SEPTIN9: variants seen among roughly 807,000 people sequenced by gnomAD.
SEPTIN9 encodes septin 9.
In SEPTIN9, 13 loss-of-function variants were observed where a neutral mutation model predicts 56.6. That is an observed-to-expected ratio of 0.23 (90% CI 0.15 to 0.37). The LOEUF is 0.37. Ranked by LOEUF, SEPTIN9 falls within the 10% of genes least tolerant of loss-of-function variation. SEPTIN9 has a pLI of 1.00. For synonymous variants in SEPTIN9, 332 were observed against 334.1 expected (o/e 0.99, Z 0.07); for missense variants, 650 against 823.1 (o/e 0.79, Z 2.57).
intron 3 of SEPTIN9, among the ~76,000 whole-genome samples, chr17:77,408,277 C>A (rs1235229439): frequency 6.6e-6 from 1 of 152,232 alleles, no homozygotes; most frequent in Non-Finnish European, 1.5e-5. Context: ...TATCCACCCA[C>A]CCCAAGAACC....
intron 3 of SEPTIN9, among the ~76,000 whole-genome samples, chr17:77,470,288 A>G (rs552541623): frequency 2.0e-5 from 3 of 151,238 alleles, no homozygotes; most frequent in South Asian, 4.2e-4. Flanking sequence ...TTATCCACCC[A>G]TCTACTCACC....
intron 3 of SEPTIN9, among the ~76,000 whole-genome samples, chr17:77,430,243 C>T (rs1281651056): frequency 6.6e-6 from 1 of 152,164 alleles, no homozygotes; most frequent in Non-Finnish European, 1.5e-5. Context: ...GAGCCGTGAC[C>T]TGTCAGTAGG....
At chr17:77,484,526 G>GTGA (rs1254835674) in intron 4 of SEPTIN9, among the ~76,000 whole-genome samples, 1 of 144,666 alleles carries the variant, frequency 6.9e-6, no homozygotes, top group Non-Finnish European at 1.5e-5. Context: ...GGTGGTAATT[G>GTGA]TGATGGTGGT....
intron 1 of SEPTIN9, 85 bp downstream of exon 1, chr17:77,281,639 G>A: frequency 2.2e-6 from 3 of 1,345,304 alleles, no homozygotes; most frequent in Non-Finnish European, 3.0e-6. Context: ...GGAGTGGCGA[G>A]GCGCCCCCGG....
intron 1 of SEPTIN9, among the ~76,000 whole-genome samples, chr17:77,292,716 A>T (rs1325617482): frequency 6.6e-6 from 1 of 151,298 alleles, no homozygotes; most frequent in Admixed American, 6.6e-5. Context: ...CTGGTCTCGA[A>T]CTCTTGACCT....
intron 3 of SEPTIN9, among the ~76,000 whole-genome samples, chr17:77,423,531 T>C (rs939777823): frequency 5.3e-5 from 8 of 152,182 alleles, no homozygotes; most frequent in Non-Finnish European, 8.8e-5. Context: ...GGCCCCTGAA[T>C]GTGGGGGCCC....
In SEPTIN9 at chr17:77,479,304, G is replaced by A. The variant is rs145611212; in HGVS notation, c.722-2840G>A. The stretch of plus-strand genomic sequence containing the variant: ...TGTCTGAGCACCATGGTGTCCTGGG[G>A]CCAGGATGAAAGTGTCTCTGGGTAT... On this transcript the variant is annotated intron_variant, in intron 3 of 11. Transcript: ENST00000427177. Among the ~76,000 whole-genome samples, 689 of 152,352 alleles carry A rather than the reference G, an allele frequency of 4.5e-3. 2 individuals carry two copies. The highest frequency in any genetic ancestry group is 0.015 in the African/African-American group (627 of 41,584).
chr17:77,317,793 C>T lies in SEPTIN9; in HGVS notation c.76+10596C>T, dbSNP rs147513785. ...AAAGGCCAGGCACAGTGGCTTATGC[C>T]TGTAATCCCAGCACTTTGGGAGGCC... On this transcript the variant is annotated intron_variant, in intron 2 of 11. Transcript: ENST00000427177. The surrounding 1 kb of genome is among the most constrained non-coding windows in gnomAD (Gnocchi z 4.2). Among the ~76,000 whole-genome samples, 1 of 152,326 alleles carries T rather than the reference C, an allele frequency of 6.6e-6. No individual in the cohort carries two copies. The highest frequency in any genetic ancestry group is 2.4e-5 in the African/African-American group (1 of 41,570).
chr17:77,441,447 ACTT>A (rs2037543827), intron 3 of SEPTIN9, among the ~76,000 whole-genome samples: 1 of 152,136 alleles, frequency 6.6e-6, no homozygotes, highest in Non-Finnish European at 1.5e-5. Flanking sequence ...ATGCTTAGAC[ACTT>A]CGTGTGGTTT....
At chr17:77,412,289 C>A (rs768982835) in intron 3 of SEPTIN9, among the ~76,000 whole-genome samples, 4 of 152,132 alleles carry the variant, frequency 2.6e-5, no homozygotes, top group Non-Finnish European at 4.4e-5. Context: ...GCCCCTTACC[C>A]CTGGCTGAGG....
At chr17:77,306,244 C>T (rs908039577) in intron 1 of SEPTIN9, among the ~76,000 whole-genome samples, 5 of 152,154 alleles carry the variant, frequency 3.3e-5, no homozygotes, top group African/African-American at 1.2e-4. Flanking sequence ...TCTGGGTCTG[C>T]CTGATCCCTT....
intron 2 of SEPTIN9, chr17:77,373,674 CT>C: frequency 7.0e-7 from 1 of 1,419,230 alleles, no homozygotes. Flanking sequence ...GACGGGACCC[CT>C]AATCCAGGCG....
chr17:77,466,176 C>T (rs533108230), intron 3 of SEPTIN9, among the ~76,000 whole-genome samples: 13 of 152,196 alleles, frequency 8.5e-5, no homozygotes, highest in African/African-American at 2.4e-4. Context: ...GCCTGTAAAG[C>T]GAAGGCCCTG....
chr17:77,479,300 T>A (rs2039351172), intron 3 of SEPTIN9, among the ~76,000 whole-genome samples: 1 of 152,230 alleles, frequency 6.6e-6, no homozygotes, highest in African/African-American at 2.4e-5. Context: ...CATGGTGTCC[T>A]GGGGCCAGGA....
At chr17:77,395,270 G>A (rs1290048121) in intron 2 of SEPTIN9, among the ~76,000 whole-genome samples, 1 of 151,980 alleles carries the variant, frequency 6.6e-6, no homozygotes, top group Non-Finnish European at 1.5e-5. Context: ...GCTCACGCCT[G>A]TAATCGCAGC....
At position 77,454,038 on chromosome 17, in the gene SEPTIN9, C is replaced by T. The variant is rs867314587; in HGVS notation, c.722-28106C>T. On this transcript the variant is annotated intron_variant, in intron 3 of 11. Coordinates refer to ENST00000427177, the MANE Select transcript of SEPTIN9 (RefSeq NM_001113491.2). ...CACCCCGGATGTTTAGGGCTTCCGC[C>T]CTCTCTCCCTGGCCGGGAGTGTGGG... is the stretch of plus-strand genomic sequence containing the variant. The T allele has an allele frequency of 1.5e-5, 14 of 956,192 alleles. No homozygotes were observed. The South Asian group carries it at 5.9e-4, about 40-fold the overall frequency. 59.2% of individuals were successfully genotyped at this position (956,192 alleles called of 1,614,324 possible).
intron 2 of SEPTIN9, among the ~76,000 whole-genome samples, chr17:77,357,771 C>G (rs2034299803): frequency 6.6e-6 from 1 of 152,156 alleles, no homozygotes; most frequent in Non-Finnish European, 1.5e-5. Flanking sequence ...TCCACCACCA[C>G]ACCCAGCTTC....
intron 3 of SEPTIN9, among the ~76,000 whole-genome samples, chr17:77,471,364 G>A (rs1048422200): frequency 3.4e-4 from 52 of 152,252 alleles, no homozygotes; most frequent in African/African-American, 1.1e-3. Flanking sequence ...CCCAGGGCCC[G>A]AGCTGATCTG....
At chr17:77,377,827 A>G (rs1471978119) in intron 2 of SEPTIN9, among the ~76,000 whole-genome samples, 2 of 152,170 alleles carry the variant, frequency 1.3e-5, no homozygotes, top group Non-Finnish European at 2.9e-5. Flanking sequence ...TTGCGTGATG[A>G]ACCCTGCCTT....
Sources: gnomAD v4.1 joint callset for allele counts (sites outside exome capture counted in the v4.1 genomes callset) on GRCh38, gnomAD v4.1.1 for gene constraint, Gnocchi (gnomAD v3.1) non-coding constraint, MANE v1.5 for transcripts, NCBI Gene and HGNC (gene_info 2026-07-23, HGNC 2026-07-21) for gene names.